ANKRD17: variants seen among roughly 807,000 people sequenced by gnomAD.
ANKRD17 encodes ankyrin repeat domain-containing protein 17.
Under a neutral mutation model 229.7 loss-of-function variants are expected in ANKRD17, and 19 were observed. The ratio of observed to expected loss-of-function variants is 0.08; its 90% CI spans 0.06 to 0.12. The LOEUF (loss-of-function observed/expected upper bound fraction) is 0.12. ANKRD17 is among the 10% of genes least tolerant of loss of function. ANKRD17 has a pLI of 1.00. For synonymous variants in ANKRD17, 1,112 were observed against 1,146.1 expected (o/e 0.97, Z 0.60); for missense variants, 2,176 against 3,176.8 (o/e 0.68, Z 7.57).
intron 1 of ANKRD17, among the ~76,000 whole-genome samples, chr4:73,188,352 C>T (rs1024414590): frequency 2.0e-5 from 3 of 151,956 alleles, no homozygotes; most frequent in African/African-American, 7.3e-5. Context: ...TTTGGGAGGC[C>T]AAGGTAGGCG....
At chr4:73,087,837 A>C (rs545494340) in intron 29 of ANKRD17, among the ~76,000 whole-genome samples, 129 of 152,182 alleles carry the variant, frequency 8.5e-4, no homozygotes, top group African/African-American at 2.9e-3. Context: ...AAAGATGGGG[A>C]AGAAAAGAAA....
intron 17 of ANKRD17, 62 bp downstream of exon 17, chr4:73,125,139 T>G: frequency 6.3e-7 from 1 of 1,593,340 alleles, no homozygotes; most frequent in Non-Finnish European, 8.5e-7. Flanking sequence ...GACTAAAAAA[T>G]AATGTTCCTA....
At chr4:73,228,444 T>G (rs1742724833) in intron 1 of ANKRD17, among the ~76,000 whole-genome samples, 1 of 152,214 alleles carries the variant, frequency 6.6e-6, no homozygotes, top group Admixed American at 6.5e-5. Flanking sequence ...ACTATGATTT[T>G]TATGTAAAAG....
chr4:73,146,085 C>T (rs1209164567), intron 10 of ANKRD17, among the ~76,000 whole-genome samples: 1 of 152,036 alleles, frequency 6.6e-6, no homozygotes, highest in African/African-American at 2.4e-5. Flanking sequence ...CTATTCTACC[C>T]ACACACAGTT....
At chr4:73,106,439 T>C (rs1396737869) in intron 24 of ANKRD17, among the ~76,000 whole-genome samples, 3 of 150,604 alleles carry the variant, frequency 2.0e-5, no homozygotes, top group East Asian at 1.9e-4. Context: ...TGAAAGTGAA[T>C]GGGATATGTG....
At chr4:73,151,167 T>G (rs1166906524) in intron 7 of ANKRD17, among the ~76,000 whole-genome samples, 1 of 152,174 alleles carries the variant, frequency 6.6e-6, no homozygotes, top group East Asian at 1.9e-4. Context: ...TAAGCCACCA[T>G]GCCTGGCCAT....
At chr4:73,136,087 AGGTG>A (rs1488692820) in intron 15 of ANKRD17, among the ~76,000 whole-genome samples, 1 of 152,192 alleles carries the variant, frequency 6.6e-6, no homozygotes, top group Non-Finnish European at 1.5e-5. Context: ...TCAGTACTTG[AGGTG>A]GGAGGACTCC....
chr4:73,176,310 G>C (rs1734728649), intron 2 of ANKRD17, among the ~76,000 whole-genome samples: 1 of 152,118 alleles, frequency 6.6e-6, no homozygotes, highest in Non-Finnish European at 1.5e-5. Flanking sequence ...ACAAATGCTG[G>C]AGAGGATGTG....
rs1212891977 is a variant in ANKRD17, at chr4:73,121,600, A to G, written c.3635+17T>C. On this transcript the variant is annotated intron_variant, in intron 19 of 33. Transcript: ENST00000358602. ...TCTTACTAAATAAGGGGCTTACAGA[A>G]AGGGAATACAACTTGCCTAGAGTTA... The G allele has an allele frequency of 6.2e-7, 1 of 1,613,376 alleles. No individual in the cohort carries two copies. Among genetic ancestry groups the G allele is most frequent in the East Asian group, 2.2e-5 (1 of 44,828 alleles).
chr4:73,088,118 A>ATT (rs1221117578), intron 29 of ANKRD17, among the ~76,000 whole-genome samples: 1 of 152,220 alleles, frequency 6.6e-6, no homozygotes, highest in Non-Finnish European at 1.5e-5. Context: ...TGTGACTTAA[A>ATT]TAACTTTTCA....
At chr4:73,162,270 G>C (rs1432007723) in intron 2 of ANKRD17, among the ~76,000 whole-genome samples, 1 of 151,988 alleles carries the variant, frequency 6.6e-6, no homozygotes, top group Non-Finnish European at 1.5e-5. Context: ...GGCTGGTCTC[G>C]AACTCCTGGG....
chr4:73,133,927 T>A (rs955060563), intron 16 of ANKRD17, among the ~76,000 whole-genome samples: 14 of 152,186 alleles, frequency 9.2e-5, no homozygotes, highest in East Asian at 3.8e-4. Flanking sequence ...CTAAACAAAA[T>A]GCTTAACCTC....
chr4:73,113,253 T>C, intron 24 of ANKRD17: 1 of 1,289,382 alleles, frequency 7.8e-7, no homozygotes, highest in Non-Finnish European at 1.0e-6. Context: ...CCAAACTATA[T>C]GCTGTTTTGG....
chr4:73,121,855 A>G, intron 18 of ANKRD17, 96 bp from the exon 19 acceptor site: 1 of 1,250,258 alleles, frequency 8.0e-7, no homozygotes, highest in Non-Finnish European at 1.1e-6. Context: ...ACTGTACAAT[A>G]AAAGAAGGGG....
At chr4:73,176,952 GGA>G (rs1257712132) in intron 2 of ANKRD17, among the ~76,000 whole-genome samples, 1 of 152,206 alleles carries the variant, frequency 6.6e-6, no homozygotes, top group Non-Finnish European at 1.5e-5. Flanking sequence ...ATTTATAGCA[GGA>G]GAGCTGAAAC....
At chr4:73,234,220 G>A (rs538254589) in intron 1 of ANKRD17, among the ~76,000 whole-genome samples, 1 of 152,176 alleles carries the variant, frequency 6.6e-6, no homozygotes, top group African/African-American at 2.4e-5. Context: ...CAACAATTGA[G>A]TCTTGATTCA....
chr4:73,173,311 C>G (rs1734289770), intron 2 of ANKRD17, among the ~76,000 whole-genome samples: 1 of 152,074 alleles, frequency 6.6e-6, no homozygotes, highest in Non-Finnish European at 1.5e-5. Context: ...AATACTAGAG[C>G]TAAAGGTAAA....
Position 73,076,130 on chromosome 4 carries a change from A to C in ANKRD17, c.*101T>G. The C allele has an allele frequency of 1.0e-6, 1 of 990,222 alleles. No homozygotes were observed. The allele number at this position is 990,222 out of a possible 1,614,324, so 61.3% of individuals were successfully genotyped here. On this transcript the variant is annotated 3_prime_UTR_variant, in exon 34 of 34. Coordinates refer to ENST00000358602, the MANE Select transcript of ANKRD17 (RefSeq NM_032217.5). Reference sequence around the variant, plus strand: ...GCAAAAAGCCTACACACTTCAGTCAAGCACATCAGTAGAATGATTTGGGAG... The same window carrying C: ...GCAAAAAGCCTACACACTTCAGTCACGCACATCAGTAGAATGATTTGGGAG...
At chr4:73,102,578 C>T (rs766869271) in intron 24 of ANKRD17, 31 bp from the exon 25 acceptor site, 16 of 1,577,230 alleles carry the variant, frequency 1.0e-5, no homozygotes, top group South Asian at 7.2e-5. Context: ...AGAAATATAA[C>T]GTTGAAATTT....
Sources: allele counts gnomAD v4.1 joint callset (sites outside exome capture counted in the v4.1 genomes callset), GRCh38; gene constraint gnomAD v4.1.1; transcripts MANE v1.5; gene names NCBI Gene and HGNC (gene_info 2026-07-23, HGNC 2026-07-21).